RPGRIP1L: variants seen among roughly 807,000 people sequenced by gnomAD.
RPGRIP1L encodes RPGRIP1 like, also known as protein fantom.
A neutral mutation model predicts 160.4 loss-of-function variants in RPGRIP1L; 131 were observed. That is an observed-to-expected ratio of 0.82 (90% confidence interval 0.71 to 0.94). RPGRIP1L has a LOEUF of 0.94. Ranked by LOEUF, RPGRIP1L falls within the 40% of genes least tolerant of loss-of-function variation. The pLI, the probability that RPGRIP1L is intolerant of heterozygous loss-of-function variation, is 0.00. For missense variants in RPGRIP1L, 1,522 were observed against 1,535.8 expected (o/e 0.99, Z 0.15); for synonymous variants, 510 against 515.8 (o/e 0.99, Z 0.15).
At chr16:53,644,911 G>C (rs1353945241) in intron 17 of RPGRIP1L, among the ~76,000 whole-genome samples, 1 of 152,024 alleles carries the variant, frequency 6.6e-6, no homozygotes, top group Admixed American at 6.6e-5. Flanking sequence ...ACCAATAAAG[G>C]TAATTACATA....
chr16:53,640,376 A>G (rs556021020), intron 19 of RPGRIP1L, among the ~76,000 whole-genome samples: 1 of 152,348 alleles, frequency 6.6e-6, no homozygotes, highest in South Asian at 2.1e-4. Context: ...ACTAAAGATT[A>G]TAAATATGAA....
chr16:53,655,030 A>G (rs1967130578), intron 14 of RPGRIP1L, among the ~76,000 whole-genome samples: 1 of 152,204 alleles, frequency 6.6e-6, no homozygotes, highest in South Asian at 2.1e-4. Context: ...CTATTTTTAT[A>G]ATAATGGTAA....
chr16:53,656,238 C>T (rs138016940), intron 14 of RPGRIP1L, among the ~76,000 whole-genome samples: 12 of 151,958 alleles, frequency 7.9e-5, no homozygotes, highest in Non-Finnish European at 1.8e-4. Flanking sequence ...GGCGGGAGGA[C>T]GATTTGAGCC....
chr16:53,679,410 C>CT (rs541122602), intron 6 of RPGRIP1L, among the ~76,000 whole-genome samples: 16 of 147,086 alleles, frequency 1.1e-4, no homozygotes, highest in South Asian at 4.3e-4. Flanking sequence ...TTTTTTTTTC[C>CT]TTTTTTTTTT....
At chr16:53,695,343 T>C (rs1444201163) in intron 3 of RPGRIP1L, 1 of 702,950 alleles carries the variant, frequency 1.4e-6, no homozygotes, top group Admixed American at 2.0e-5. Flanking sequence ...AGCATGCCAG[T>C]GGGTTGTTGA....
chr16:53,695,521 A>G, intron 3 of RPGRIP1L: 1 of 665,606 alleles, frequency 1.5e-6, no homozygotes, highest in African/African-American at 1.8e-5. Context: ...CTTTGTTTTT[A>G]ATGCCTTCCC....
chr16:53,687,837 A>C lies in RPGRIP1L; in HGVS notation c.632+26T>G, dbSNP rs1284956933. On this transcript the variant is annotated intron_variant, in intron 5 of 26. Coordinates refer to ENST00000647211, the MANE Select transcript of RPGRIP1L (RefSeq NM_015272.5). ...GACATTATCAATAACCAAAGTTCTC[A>C]AATTACCACAAAAAAGAACACATAC... 7 of 1,408,302 alleles carry C rather than the reference A, an allele frequency of 5.0e-6. No individual in the cohort carries two copies. In the Admixed American group the frequency reaches 8.4e-5, roughly 17 times the overall value. The allele number at this position is 1,408,302 out of a possible 1,614,324, so 87.2% of individuals were successfully genotyped here. A position where few individuals can be genotyped will look rare whatever the true frequency, so the allele number is the denominator to read the frequency against.
intron 6 of RPGRIP1L, among the ~76,000 whole-genome samples, chr16:53,682,105 C>T (rs2151295922): frequency 6.6e-6 from 1 of 152,234 alleles, no homozygotes; most frequent in Admixed American, 6.5e-5. Flanking sequence ...TTATTTTAAG[C>T]TATTTCCTCA....
At chr16:53,648,618 G>T (rs572342425) in intron 16 of RPGRIP1L, among the ~76,000 whole-genome samples, 1 of 48,162 alleles carries the variant, frequency 2.1e-5, no homozygotes, top group Non-Finnish European at 4.7e-5. Flanking sequence ...GCGCGTGCGC[G>T]CGCGCGCGCA....
chr16:53,634,459 G>C (rs1284789995), intron 22 of RPGRIP1L, among the ~76,000 whole-genome samples: 1 of 152,080 alleles, frequency 6.6e-6, no homozygotes, highest in African/African-American at 2.4e-5. Flanking sequence ...ATATGCTATG[G>C]TATGAATATG....
chr16:53,664,992 T>A lies in RPGRIP1L; in HGVS notation c.1121A>T (p.His374Leu). ...CTCCTTTAACTTCCATTGCTCTTCA[T>A]GGGCAGCACTGAAGGCACTGCAAAA... ...KLYDSAFSAA[H>L]EEQWKLKEQQ... Residue 374 changes from histidine (H) to leucine (L), a missense_variant, in exon 10 of 27, where the codon CAT becomes CTT. Coordinates refer to ENST00000647211, the MANE Select transcript of RPGRIP1L (RefSeq NM_015272.5). 1 of 1,613,652 alleles carries A rather than the reference T, an allele frequency of 6.2e-7. No individual in the cohort carries two copies. The highest frequency in any genetic ancestry group is 8.5e-7 in the Non-Finnish European group (1 of 1,179,884).
intron 9 of RPGRIP1L, among the ~76,000 whole-genome samples, chr16:53,670,332 T>C (rs1968608938): frequency 3.3e-5 from 5 of 152,176 alleles, no homozygotes. Context: ...CAAATGGTTA[T>C]TTTCTGAGGT....
chr16:53,622,432 T>C (rs147778176), intron 22 of RPGRIP1L, 76 bp from the exon 23 acceptor site: 275 of 544,194 alleles, frequency 5.1e-4, no homozygotes, highest in African/African-American at 4.7e-3. Context: ...CATCTCAGCA[T>C]GTCAGAAATG....
chr16:53,602,211 G>A, intron 26 of RPGRIP1L, 23 bp from the exon 27 acceptor site: 1 of 1,484,944 alleles, frequency 6.7e-7, no homozygotes, highest in East Asian at 2.3e-5. Flanking sequence ...GAGCAGGAAA[G>A]TGTTAATATC....
intron 17 of RPGRIP1L, among the ~76,000 whole-genome samples, chr16:53,644,430 A>G (rs1000324090): frequency 6.6e-5 from 10 of 152,212 alleles, no homozygotes; most frequent in Non-Finnish European, 2.9e-5. Flanking sequence ...CTGAAAAAAT[A>G]ATGGCAGTAA....
chr16:53,624,837 C>T (rs921340043), intron 22 of RPGRIP1L, among the ~76,000 whole-genome samples: 3 of 149,618 alleles, frequency 2.0e-5, no homozygotes, highest in Non-Finnish European at 3.0e-5. Flanking sequence ...ACTGTACTGC[C>T]GCGATCTCGG....
At position 53,641,418 on chromosome 16, in the gene RPGRIP1L, A is replaced by T; in HGVS notation, c.2741T>A (p.Leu914Ter). 1.9e-6 allele frequency: 3 copies of T among 1,614,086 alleles called. No individual in the cohort carries two copies. The highest frequency in any genetic ancestry group is 2.5e-6 in the Non-Finnish European group (3 of 1,179,946). The change falls in exon 18 of 27, where the codon TTG (leucine) becomes TAG (stop). Residue 914 changes from leucine to a stop codon, truncating the protein, a stop_gained. Transcript: ENST00000647211. LOFTEE classifies it high-confidence loss of function. ...TGGAAGGTAAGCAAATTTCCATTTCAATATAACATGGATGGTGCCAGCAGG... is the reference window on the plus strand; with the variant it reads ...TGGAAGGTAAGCAAATTTCCATTTCTATATAACATGGATGGTGCCAGCAGG... Reference protein sequence around the residue: ...KHPAGTIHVILKWKFAYLPPS... With the variant: ...KHPAGTIHVI
intron 6 of RPGRIP1L, among the ~76,000 whole-genome samples, chr16:53,683,569 C>A (rs539098639): frequency 6.6e-6 from 1 of 150,450 alleles, no homozygotes; most frequent in African/African-American, 2.4e-5. Flanking sequence ...GGGGATAATT[C>A]GAAAAATAAA....
chr16:53,680,617 G>C (rs1022102023), intron 6 of RPGRIP1L, among the ~76,000 whole-genome samples: 4 of 152,098 alleles, frequency 2.6e-5, no homozygotes, highest in Non-Finnish European at 5.9e-5. Flanking sequence ...GGGAAATTTG[G>C]ATATGGACTG....
Sources: gnomAD v4.1 joint callset for allele counts (sites outside exome capture counted in the v4.1 genomes callset) on GRCh38, gnomAD v4.1.1 for gene constraint, MANE v1.5 for transcripts, NCBI Gene and HGNC (gene_info 2026-07-23, HGNC 2026-07-21) for gene names.